XKR9: variants seen among roughly 807,000 people sequenced by gnomAD.
The protein encoded by XKR9 is XK related 9.
XKR9 carries 32 observed loss-of-function variants against 32.0 expected under a neutral mutation model. The observed-to-expected ratio is 1.00, with a 90% CI of 0.76 to 1.34. XKR9 has a LOEUF of 1.34. XKR9 is among the 40% of genes most tolerant of loss of function. The pLI is 0.00. For missense variants in XKR9, 546 were observed against 429.7 expected, an observed-to-expected ratio of 1.27 and a Z score of -2.39; for synonymous variants, 168 against 143.4, an observed-to-expected ratio of 1.17 and a Z score of -1.22.
At position 70,669,496 on chromosome 8, in the gene XKR9, A is replaced by G. The variant is rs1426116017; in HGVS notation, c.-403A>G. On this transcript the variant is annotated 5_prime_UTR_variant, in exon 1 of 5. Transcript: ENST00000408926. ...ACAGGCGAGTGGATCCAAGTGGGCGAGAGACATTTTAATCTGGAAGAGTCT... is the reference window on the plus strand; with the variant it reads ...ACAGGCGAGTGGATCCAAGTGGGCGGGAGACATTTTAATCTGGAAGAGTCT... 1.3e-5 allele frequency: 3 copies of G among 237,116 alleles called. No homozygotes were observed. Among genetic ancestry groups the G allele is most frequent in the African/African-American group, 2.3e-5 (1 of 42,816 alleles). The allele number at this position is 237,116 out of a possible 1,614,324, so 14.7% of individuals were successfully genotyped here. A position where few individuals can be genotyped will look rare whatever the true frequency, so the allele number is the denominator to read the frequency against.
At chr8:70,863,591 G>A in the XKR9 span, among the ~76,000 whole-genome samples, 2 of 152,134 alleles carry the variant, frequency 1.3e-5, no homozygotes, top group South Asian at 4.1e-4. Context: ...TCAAGCAAGA[G>A]AAAGTGAGGT....
the XKR9 span, among the ~76,000 whole-genome samples, chr8:70,978,420 G>C: frequency 6.6e-6 from 1 of 152,188 alleles, no homozygotes; most frequent in South Asian, 2.1e-4. Context: ...ACTCTTTTAG[G>C]GCAGGCCTGG....
intron 2 of XKR9, among the ~76,000 whole-genome samples, chr8:70,677,876 TCTC>T (rs1373701752): frequency 1.3e-5 from 2 of 152,184 alleles, no homozygotes; most frequent in Admixed American, 6.5e-5. Flanking sequence ...CATCTATTCT[TCTC>T]CTATATAAGC....
the XKR9 span, among the ~76,000 whole-genome samples, chr8:70,975,253 C>T: frequency 1.3e-5 from 2 of 152,164 alleles, no homozygotes; most frequent in Non-Finnish European, 2.9e-5. Context: ...TAATTACAAC[C>T]CATTTGTCAA....
At chr8:70,759,862 C>G (rs1015010459) in intron 2 of XKR9, among the ~76,000 whole-genome samples, 4 of 152,112 alleles carry the variant, frequency 2.6e-5, no homozygotes, top group African/African-American at 9.7e-5. Flanking sequence ...ACTTAACTTT[C>G]AACAAAGAAT....
chr8:70,948,918 T>A, the XKR9 span, among the ~76,000 whole-genome samples: 1 of 152,200 alleles, frequency 6.6e-6, no homozygotes, highest in Non-Finnish European at 1.5e-5. Flanking sequence ...AAGATACATA[T>A]GTTTATGGGC....
intron 4 of XKR9, among the ~76,000 whole-genome samples, chr8:70,708,483 A>T (rs1239885079): frequency 1.3e-5 from 2 of 152,146 alleles, no homozygotes; most frequent in Non-Finnish European, 2.9e-5. Flanking sequence ...AAATTATTGT[A>T]GGTTGTTAGT....
the XKR9 span, among the ~76,000 whole-genome samples, chr8:70,970,356 A>G: frequency 6.6e-6 from 1 of 151,964 alleles, no homozygotes; most frequent in African/African-American, 2.4e-5. Context: ...TCTGTGGTAC[A>G]TGTGCAGAAG....
Position 70,681,302 on chromosome 8 carries a change from C to T in XKR9, c.244C>T (p.His82Tyr). The T allele has an allele frequency of 6.2e-7, 1 of 1,612,680 alleles. No individual in the cohort carries two copies. The highest frequency in any genetic ancestry group is 8.5e-7 in the Non-Finnish European group (1 of 1,179,296). Residue 82 changes from histidine (H) to tyrosine (Y), a missense_variant, in exon 3 of 5, where the codon CAT becomes TAT. By Grantham distance (83) the His-to-Tyr change is moderately conservative (BLOSUM62 2). Coordinates refer to ENST00000408926, the MANE Select transcript of XKR9 (RefSeq NM_001011720.2). ...AAGTCAGCATTGTTTTCTTCTACTTCATTGCTTGCAAGGAGGAGTTTTTAC... is the reference window on the plus strand; with the variant it reads ...AAGTCAGCATTGTTTTCTTCTACTTTATTGCTTGCAAGGAGGAGTTTTTAC... ...QESQHCFLLL[H>Y]CLQGGVFTRY... is the part of the protein sequence containing the mutation.
chr8:71,050,236 G>GATATATATATATATATATATAT, the XKR9 span, among the ~76,000 whole-genome samples: 1 of 123,560 alleles, frequency 8.1e-6, no homozygotes, highest in Non-Finnish European at 1.7e-5. Flanking sequence ...GCCTGGCAGA[G>GATATATATATATATATATATAT]ATATATATAT....
chr8:70,911,522 A>G, the XKR9 span, among the ~76,000 whole-genome samples: 21 of 152,354 alleles, frequency 1.4e-4, no homozygotes, highest in South Asian at 4.1e-3. Context: ...GAAGCTTTAC[A>G]TACAAAGAAC....
chr8:70,946,304 A>G, the XKR9 span, among the ~76,000 whole-genome samples: 1 of 152,000 alleles, frequency 6.6e-6, no homozygotes, highest in African/African-American at 2.4e-5. Context: ...TTCAAATATT[A>G]TACTTTTGTC....
At chr8:70,797,164 A>T in the XKR9 span, among the ~76,000 whole-genome samples, 1 of 152,338 alleles carries the variant, frequency 6.6e-6, no homozygotes, top group East Asian at 1.9e-4. Flanking sequence ...TTAATGCTTC[A>T]GCAAGGATTT....
At chr8:70,927,017 T>A in the XKR9 span, among the ~76,000 whole-genome samples, 10,364 of 152,178 alleles carry the variant, frequency 0.068, 489 homozygotes, top group Non-Finnish European at 0.093. Flanking sequence ...ATCCATTTTA[T>A]GTATTTATGA....
At chr8:70,828,155 T>C in the XKR9 span, among the ~76,000 whole-genome samples, 2 of 152,226 alleles carry the variant, frequency 1.3e-5, no homozygotes, top group African/African-American at 2.4e-5. Flanking sequence ...CGTTTTTCTT[T>C]AGTTTCATGG....
At chr8:70,782,798 A>G (rs1171573035) in intron 2 of XKR9, among the ~76,000 whole-genome samples, 3 of 152,072 alleles carry the variant, frequency 2.0e-5, no homozygotes, top group African/African-American at 7.2e-5. Context: ...GCGTATGTAG[A>G]CCACATTTTA....
the XKR9 span, among the ~76,000 whole-genome samples, chr8:70,828,869 C>T: frequency 6.6e-6 from 1 of 152,056 alleles, no homozygotes; most frequent in East Asian, 1.9e-4. Flanking sequence ...AAAGTCAAGT[C>T]CCATTCTAAG....
Position 70,775,804 on chromosome 8 carries a change from G to T in XKR9, n.353-13535G>T, listed in dbSNP as rs558980118. On this transcript the variant is annotated intron_variant and non_coding_transcript_variant, in intron 2 of 3. Coordinates refer to the XKR9 transcript ENST00000520273. ...TTGCTCTGTTGCCCAGACTACAGTGGCGCAATCATGGCTCACTGCAGCTTC... is the reference window on the plus strand; with the variant it reads ...TTGCTCTGTTGCCCAGACTACAGTGTCGCAATCATGGCTCACTGCAGCTTC... 2.8e-4 allele frequency among the ~76,000 whole-genome samples: 42 copies of T among 151,806 alleles called. 1 individual carries two copies. Among genetic ancestry groups the T allele is most frequent in the African/African-American group, 9.2e-4 (38 of 41,406 alleles).
chr8:70,876,565 G>A, the XKR9 span, among the ~76,000 whole-genome samples: 2 of 152,044 alleles, frequency 1.3e-5, no homozygotes, highest in East Asian at 1.9e-4. Flanking sequence ...CTACTTTGAA[G>A]AAATCTGGGC....
Sources: allele counts gnomAD v4.1 joint callset (sites outside exome capture counted in the v4.1 genomes callset), GRCh38; gene constraint gnomAD v4.1.1; transcripts MANE v1.5; gene names NCBI Gene and HGNC (gene_info 2026-07-23, HGNC 2026-07-21).